The following TUSC3 variants were observed in gnomAD, a reference collection of about 807,000 sequenced individuals.
TUSC3 encodes dolichyl-diphosphooligosaccharide--protein glycosyltransferase subunit TUSC3.
In TUSC3, 45 loss-of-function variants were observed where a neutral mutation model predicts 44.8. The observed-to-expected ratio is 1.00, with a 90% confidence interval of 0.79 to 1.29. TUSC3 has a LOEUF of 1.29. Among genes scored for constraint, TUSC3 ranks in the 50% most tolerant of loss-of-function variants. The pLI, the probability that TUSC3 is intolerant of heterozygous loss-of-function variation, is 0.00. For synonymous variants in TUSC3, 212 were observed against 152.9 expected, an observed-to-expected ratio of 1.39 and a Z score of -2.85; for missense variants, 519 against 437.9, an observed-to-expected ratio of 1.19 and a Z score of -1.65.
the TUSC3 span, among the ~76,000 whole-genome samples, chr8:15,824,962 T>C: frequency 6.6e-6 from 1 of 152,188 alleles, no homozygotes; most frequent in East Asian, 1.9e-4. Context: ...TGACTCTCTA[T>C]ATAAACTAGA....
intron 1 of TUSC3, among the ~76,000 whole-genome samples, chr8:15,436,705 T>C (rs982548808): frequency 6.6e-6 from 1 of 151,898 alleles, no homozygotes; most frequent in Non-Finnish European, 1.5e-5. Context: ...ACAAAAAAAA[T>C]ACACATTTCA....
At chr8:15,772,243 T>A in the TUSC3 span, among the ~76,000 whole-genome samples, 1 of 151,772 alleles carries the variant, frequency 6.6e-6, no homozygotes, top group Non-Finnish European at 1.5e-5. Flanking sequence ...AACAATAAAG[T>A]CAATGAAACC....
At chr8:15,744,864 G>C (rs75884991) in intron 8 of TUSC3, among the ~76,000 whole-genome samples, 2,969 of 152,056 alleles carry the variant, frequency 0.02, 100 homozygotes, top group African/African-American at 0.067. Flanking sequence ...GGGTATTTTG[G>C]ATGATACTGA....
intron 6 of TUSC3, 92 bp downstream of exon 6, chr8:15,673,928 T>A: frequency 8.8e-7 from 1 of 1,133,414 alleles, no homozygotes; most frequent in South Asian, 1.3e-5. Context: ...TAGGAAAAGA[T>A]TCTGTTTGTC....
intron 2 of TUSC3, among the ~76,000 whole-genome samples, chr8:15,511,681 C>T (rs1156455692): frequency 6.6e-6 from 1 of 151,874 alleles, no homozygotes; most frequent in Non-Finnish European, 1.5e-5. Flanking sequence ...AGCAGCCTGG[C>T]CAATATGGTA....
intron 10 of TUSC3, among the ~76,000 whole-genome samples, chr8:15,762,252 TAGA>T (rs1343646997): frequency 6.6e-6 from 1 of 151,974 alleles, no homozygotes; most frequent in Non-Finnish European, 1.5e-5. Flanking sequence ...TTGAAAATGA[TAGA>T]AGCATAGGAA....
chr8:15,813,454 A>G, the TUSC3 span, among the ~76,000 whole-genome samples: 4 of 143,128 alleles, frequency 2.8e-5, no homozygotes, highest in Non-Finnish European at 5.9e-5. Context: ...TTGTAATACC[A>G]TCCTGTAAGT....
chr8:15,740,523 A>G (rs1260369166), intron 7 of TUSC3, among the ~76,000 whole-genome samples: 1 of 152,100 alleles, frequency 6.6e-6, no homozygotes, highest in African/African-American at 2.4e-5. Context: ...GGGAGGAAAA[A>G]AAAAGAACAA....
intron 1 of TUSC3, among the ~76,000 whole-genome samples, chr8:15,579,014 G>T (rs1322885689): frequency 1.3e-5 from 2 of 151,892 alleles, no homozygotes; most frequent in African/African-American, 4.8e-5. Context: ...GGTCTATTCA[G>T]AGATTCAACT....
chr8:15,470,769 G>C (rs952847508), intron 1 of TUSC3, among the ~76,000 whole-genome samples: 1 of 152,118 alleles, frequency 6.6e-6, no homozygotes, highest in Non-Finnish European at 1.5e-5. Flanking sequence ...ATTTTCTCCA[G>C]TTCCTCTGGT....
intron 7 of TUSC3, among the ~76,000 whole-genome samples, chr8:15,740,367 T>G (rs352755): frequency 0.12 from 18,125 of 152,060 alleles, 1,275 homozygotes; most frequent in East Asian, 0.26. Flanking sequence ...TTTGGCCACA[T>G]TAAAATTAAA....
intron 1 of TUSC3, among the ~76,000 whole-genome samples, chr8:15,544,753 A>C (rs1332207242): frequency 6.6e-6 from 1 of 151,818 alleles, no homozygotes; most frequent in African/African-American, 2.4e-5. Flanking sequence ...TGCAGTGATA[A>C]CACAGGAAAT....
the TUSC3 span, among the ~76,000 whole-genome samples, chr8:15,778,678 T>C: frequency 0.18 from 27,677 of 152,106 alleles, 2,538 homozygotes; most frequent in East Asian, 0.26. Flanking sequence ...TTATGCCAAA[T>C]AGGGAAAGTG....
At chr8:15,526,896 T>C (rs1285987267) in intron 2 of TUSC3, among the ~76,000 whole-genome samples, 1 of 152,144 alleles carries the variant, frequency 6.6e-6, no homozygotes, top group Admixed American at 6.5e-5. Flanking sequence ...AAAGTACCCA[T>C]AATGATTAGA....
chr8:15,590,807 C>T (rs548729714), intron 1 of TUSC3, among the ~76,000 whole-genome samples: 27 of 151,776 alleles, frequency 1.8e-4, no homozygotes, highest in Non-Finnish European at 3.7e-4. Context: ...AAGTAGCTGG[C>T]ACAACAGGTG....
intron 6 of TUSC3, among the ~76,000 whole-genome samples, chr8:15,695,187 T>A (rs543464108): frequency 6.6e-6 from 1 of 152,206 alleles, no homozygotes; most frequent in Non-Finnish European, 1.5e-5. Flanking sequence ...TGTCCCCACC[T>A]AAATCTCATC....
chr8:15,818,576 C>A, the TUSC3 span, among the ~76,000 whole-genome samples: 1 of 152,166 alleles, frequency 6.6e-6, no homozygotes, highest in Non-Finnish European at 1.5e-5. Flanking sequence ...GTAGAGAAAT[C>A]TTTTATTTCT....
chr8:15,682,011 A>G (rs543262220), intron 6 of TUSC3, among the ~76,000 whole-genome samples: 117 of 152,180 alleles, frequency 7.7e-4, no homozygotes, highest in Non-Finnish European at 1.3e-4. Context: ...TTTTTATTCC[A>G]CTGTGATCTG....
chr8:15,651,005 AC>A (rs1806878327), intron 3 of TUSC3, 191 bp downstream of exon 3: 1 of 564,678 alleles, frequency 1.8e-6, no homozygotes, highest in Admixed American at 2.9e-5. Context: ...ACACACACAC[AC>A]ACACACACAC....
Sources: allele counts gnomAD v4.1 joint callset (sites outside exome capture counted in the v4.1 genomes callset), GRCh38; gene constraint gnomAD v4.1.1; transcripts MANE v1.5; gene names NCBI Gene and HGNC (gene_info 2026-07-23, HGNC 2026-07-21).